The following DNAH9 variants were observed in gnomAD, a reference collection of about 807,000 sequenced individuals.
DNAH9 encodes the protein dynein axonemal heavy chain 9.
In DNAH9, 345 loss-of-function variants were observed where a neutral mutation model predicts 471.6. The ratio of observed to expected loss-of-function variants is 0.73; its 90% CI spans 0.67 to 0.80. The LOEUF (loss-of-function observed/expected upper bound fraction) is 0.80, where lower values mean the gene tolerates loss of function less well. Among genes scored for constraint, DNAH9 ranks in the 30% least tolerant of loss-of-function variants. The probability of loss-of-function intolerance (pLI) is 0.00; values close to 1 mark genes in which losing one functional copy is unlikely to be tolerated. For missense variants in DNAH9, 5,407 were observed against 5,609.2 expected, an observed-to-expected ratio of 0.96 and a Z score of 1.15; for synonymous variants, 2,093 against 2,123.6, an observed-to-expected ratio of 0.99 and a Z score of 0.40.
chr17:11,804,559 A>G (rs1969590112), intron 43 of DNAH9, among the ~76,000 whole-genome samples: 1 of 152,232 alleles, frequency 6.6e-6, no homozygotes, highest in East Asian at 1.9e-4. Flanking sequence ...AATAAAAATA[A>G]AAACAGTAAT....
Position 11,608,137 on chromosome 17 carries a change from A to G in DNAH9, c.426A>G (p.Leu142=), listed in dbSNP as rs748769224. The G allele has an allele frequency of 1.3e-6, 2 of 1,596,260 alleles. No individual in the cohort carries two copies. The highest frequency in any genetic ancestry group is 4.5e-5 in the East Asian group (2 of 44,340). Residue 142 remains leucine (L), a synonymous_variant, in exon 2 of 69, where the codon CTA becomes CTG. Coordinates refer to ENST00000262442, the MANE Select transcript of DNAH9 (RefSeq NM_001372.4). ...HLAALFSEVV[L]PVLANEKNRL... is the part of the protein sequence containing the mutation. ...GTGCACCTCTGTTCCAGGTTGTTCT[A>G]CCCGTCCTGGCCAATGAGAAGAATC...
chr17:11,892,059 ATCTG>A lies in DNAH9; in HGVS notation c.11283+116_11283+119del, dbSNP rs1973070476. 1.5e-6 allele frequency: 2 copies of A among 1,297,312 alleles called. No homozygotes were observed. The highest frequency in any genetic ancestry group is 2.2e-6 in the Non-Finnish European group (2 of 926,192). 80.4% of individuals were successfully genotyped at this position (1,297,312 alleles called of 1,614,324 possible). A position where few individuals can be genotyped will look rare whatever the true frequency, so the allele number is the denominator to read the frequency against. ...TCACTTTCCACAGCATGTCCAGACT[ATCTG>A]TCTTTGGATAGAGGCATCAGACAAG... On this transcript the variant is annotated intron_variant, in intron 58 of 68. Transcript: ENST00000262442. This position sits in a 1 kb window ranked among gnomAD's most constrained non-coding sequence, Gnocchi z 4.3.
chr17:11,869,141 A>C lies in DNAH9; in HGVS notation c.9941A>C (p.Asn3314Thr). Residue 3314 changes from asparagine (N) to threonine (T), a missense_variant, in exon 51 of 69, where the codon AAT becomes ACT. This residue lies in a region of DNAH9 where 4,636 missense variants were observed against 4,900.3 expected (regional missense o/e 0.95). Coordinates refer to ENST00000262442, the MANE Select transcript of DNAH9 (RefSeq NM_001372.4). ...AAIKAKIAHL[N>T]ENLAKLTARF... is the part of the protein sequence containing the mutation. ...GTATTCCTTCCTAAACAGCACCTTA[A>C]TGAAAACCTGGCAAAGCTCACAGCC... The C allele has an allele frequency of 6.2e-7, 1 of 1,613,658 alleles. No homozygotes were observed. The highest frequency in any genetic ancestry group is 2.2e-5 in the East Asian group (1 of 44,880).
Position 11,880,106 on chromosome 17 carries a change from GA to G in DNAH9, c.10509del (p.Ala3504LeufsTer6). On this transcript the variant is annotated frameshift_variant, in exon 54 of 69. Transcript: ENST00000262442. LOFTEE classifies it high-confidence loss of function. ...CCTTCAAATCATAGAGCAGGCCCTG[GA>G]AGCTGGAGCTGTGGTGCTGATTGAA... is the stretch of plus-strand genomic sequence containing the variant. ...GYLQIIEQAL[E>X]AGAVVLIENL... The G allele has an allele frequency of 6.2e-7, 1 of 1,614,054 alleles. No individual in the cohort carries two copies. The highest frequency in any genetic ancestry group is 8.5e-7 in the Non-Finnish European group (1 of 1,179,956).
chr17:11,935,665 C>T (rs989768135), intron 65 of DNAH9, among the ~76,000 whole-genome samples: 2 of 152,122 alleles, frequency 1.3e-5, no homozygotes, highest in Non-Finnish European at 2.9e-5. Flanking sequence ...TGAGCCACCG[C>T]GCCCGGCCCG....
At chr17:11,637,980 G>A (rs2073195088) in intron 9 of DNAH9, among the ~76,000 whole-genome samples, 1 of 152,166 alleles carries the variant, frequency 6.6e-6, no homozygotes, top group African/African-American at 2.4e-5. Flanking sequence ...GCAGATATGA[G>A]AGGATATGGA....
chr17:11,878,947 C>T (rs1270292254), intron 53 of DNAH9, among the ~76,000 whole-genome samples: 2 of 152,140 alleles, frequency 1.3e-5, no homozygotes, highest in African/African-American at 4.8e-5. Flanking sequence ...ATATGTGGTA[C>T]AGACTAATTT....
chr17:11,680,925 A>C, intron 19 of DNAH9, 36 bp downstream of exon 19: 3 of 1,569,156 alleles, frequency 1.9e-6, no homozygotes, highest in Non-Finnish European at 2.6e-6. Flanking sequence ...CTTTCTGTGA[A>C]CACTGCAGTC....
rs143866366 is a variant in DNAH9 at position 11,949,631 on chromosome 17, G to A, written c.12843+7146G>A. On this transcript the variant is annotated intron_variant, in intron 67 of 68. Coordinates refer to ENST00000262442, the MANE Select transcript of DNAH9 (RefSeq NM_001372.4). ...TGAGTAGCTGGGATTACAGGCATGC[G>A]CCAGCATGCCTGGCTAATTTTGTAT... Among the ~76,000 whole-genome samples the A allele has an allele frequency of 5.7e-3, 874 of 152,126 alleles. 10 individuals are homozygous for A. The highest frequency in any genetic ancestry group is 0.02 in the African/African-American group (819 of 41,520).
intron 38 of DNAH9, among the ~76,000 whole-genome samples, chr17:11,775,791 A>G (rs945979499): frequency 1.4e-4 from 22 of 151,846 alleles, no homozygotes; most frequent in African/African-American, 5.1e-4. Flanking sequence ...TTTTTAGTAG[A>G]GACGGGATTT....
At position 11,679,796 on chromosome 17, in the gene DNAH9, C is replaced by A. The variant is rs747340817; in HGVS notation, c.3393C>A (p.Ser1131Arg). The A allele has an allele frequency of 6.2e-7, 1 of 1,613,856 alleles. No homozygotes were observed. The highest frequency in any genetic ancestry group is 1.1e-5 in the South Asian group (1 of 91,080). ...NLDAFIKKSESGLLKKVEKGD... is the reference protein window; with the variant it reads ...NLDAFIKKSERGLLKKVEKGD... ...ATGCGTTTATAAAGAAGAGTGAGAG[C>A]GGCTTACTCAAGAAAGTTGAAAAAG... Residue 1131 changes from serine (S) to arginine (R), a missense_variant, in exon 18 of 69, where the codon AGC becomes AGA. Around this residue, in one of 3 missense-constraint regions of DNAH9, gnomAD observed 4,636 missense variants for 4,900.3 expected, o/e 0.95. Coordinates refer to ENST00000262442, the MANE Select transcript of DNAH9 (RefSeq NM_001372.4).
At chr17:11,665,018 T>C (rs1248632406) in intron 15 of DNAH9, 50 bp downstream of exon 15, 2 of 1,535,624 alleles carry the variant, frequency 1.3e-6, no homozygotes, top group Non-Finnish European at 1.8e-6. Flanking sequence ...ATAACAACAG[T>C]AACATTTGTT....
chr17:11,761,155 G>A (rs1052699157), intron 35 of DNAH9, among the ~76,000 whole-genome samples: 1 of 152,106 alleles, frequency 6.6e-6, no homozygotes, highest in African/African-American at 2.4e-5. Context: ...TGACTTTTCT[G>A]TAATAAAAAG....
intron 27 of DNAH9, 98 bp from the exon 28 acceptor site, chr17:11,727,720 A>T (rs577112030): frequency 1.3e-6 from 1 of 775,434 alleles, no homozygotes; most frequent in African/African-American, 1.7e-5. Context: ...CTTTAGGGGG[A>T]CTAGAAGTAT....
chr17:11,705,674 A>G (rs1034954217), intron 26 of DNAH9, among the ~76,000 whole-genome samples: 1 of 152,198 alleles, frequency 6.6e-6, no homozygotes, highest in Non-Finnish European at 1.5e-5. Context: ...GCAGAATAGC[A>G]TGACTATAGC....
chr17:11,768,342 C>T (rs939283750), intron 36 of DNAH9, 111 bp from the exon 37 acceptor site: 2 of 1,124,920 alleles, frequency 1.8e-6, no homozygotes. Flanking sequence ...CAGGCCCACA[C>T]AGGGAGGAGC....
At chr17:11,762,774 T>TGTTTTG (rs1250425512) in intron 35 of DNAH9, among the ~76,000 whole-genome samples, 5 of 95,522 alleles carry the variant, frequency 5.2e-5, no homozygotes, top group Admixed American at 2.2e-4. Context: ...TTTTTTGTTT[T>TGTTTTG]TTTTTTTTTT....
chr17:11,856,543 CA>C (rs34782323), intron 50 of DNAH9, among the ~76,000 whole-genome samples: 12 of 137,076 alleles, frequency 8.8e-5, no homozygotes, highest in East Asian at 2.1e-4. Flanking sequence ...ACTAAAAATA[CA>C]AAAAAAAAAA....
At chr17:11,601,214 G>T (rs2072379782) in intron 1 of DNAH9, among the ~76,000 whole-genome samples, 1 of 152,070 alleles carries the variant, frequency 6.6e-6, no homozygotes. Context: ...AGACACTTAG[G>T]ATGTTTCTGT....
Sources: gnomAD v4.1 joint callset for allele counts (sites outside exome capture counted in the v4.1 genomes callset) on GRCh38, gnomAD v4.1.1 for gene constraint, gnomAD v4.1.1 regional missense constraint, Gnocchi (gnomAD v3.1) non-coding constraint, MANE v1.5 for transcripts, NCBI Gene and HGNC (gene_info 2026-07-23, HGNC 2026-07-21) for gene names.